ARHGAP39: variants seen among roughly 807,000 people sequenced by gnomAD.
The protein encoded by ARHGAP39 is Rho GTPase activating protein 39.
Under a neutral mutation model 106.9 loss-of-function variants are expected in ARHGAP39, and 44 were observed. That is an observed-to-expected ratio of 0.41 (90% CI 0.32 to 0.53). The LOEUF (loss-of-function observed/expected upper bound fraction) is 0.53. Ranked by LOEUF, ARHGAP39 falls within the 20% of genes least tolerant of loss-of-function variation. ARHGAP39 has a pLI of 0.21. For synonymous variants in ARHGAP39, 768 were observed against 693.2 expected, an observed-to-expected ratio of 1.11 and a Z score of -1.69; for missense variants, 1,496 against 1,577.3, an observed-to-expected ratio of 0.95 and a Z score of 0.87.
At chr8:144,681,345 G>A (rs540314127) in intron 1 of ARHGAP39, among the ~76,000 whole-genome samples, 10 of 152,280 alleles carry the variant, frequency 6.6e-5, no homozygotes, top group African/African-American at 2.4e-4. Context: ...GTCCAGCTCT[G>A]CGAGGGAGTC....
chr8:144,568,061 C>G (rs1818465518), intron 3 of ARHGAP39, among the ~76,000 whole-genome samples: 1 of 152,126 alleles, frequency 6.6e-6, no homozygotes. Context: ...CTGGACCCTA[C>G]AGGCTGATGC....
At chr8:144,570,568 C>T (rs1205202567) in intron 3 of ARHGAP39, among the ~76,000 whole-genome samples, 2 of 152,238 alleles carry the variant, frequency 1.3e-5, no homozygotes, top group African/African-American at 2.4e-5. Context: ...TCCAAACTTA[C>T]GAGTGACCAA....
the ARHGAP39 span, among the ~76,000 whole-genome samples, chr8:144,696,119 T>A: frequency 6.6e-6 from 1 of 152,158 alleles, no homozygotes; most frequent in Non-Finnish European, 1.5e-5. Flanking sequence ...CTCTGCCGCA[T>A]GTCTTCATAC....
Position 144,552,117 on chromosome 8 carries a change from AG to A in ARHGAP39, c.596+3442del, listed in dbSNP as rs35051427. ...GTTCAGGGGACACTTCCAAACTGCAAGGGAAGTTGGAAAGCCTTAAGAGCGG... is the reference window on the plus strand; with the variant it reads ...GTTCAGGGGACACTTCCAAACTGCAAGGAAGTTGGAAAGCCTTAAGAGCGG... On this transcript the variant is annotated intron_variant, in intron 4 of 11. Coordinates refer to ENST00000377307, the MANE Select transcript of ARHGAP39 (RefSeq NM_025251.3). Among the ~76,000 whole-genome samples, 770 of 152,382 alleles carry A rather than the reference AG, an allele frequency of 5.1e-3. 5 individuals carry two copies. The highest frequency in any genetic ancestry group is 0.017 in the African/African-American group (707 of 41,592).
chr8:144,667,131 AAAAG>A (rs1380524233), intron 1 of ARHGAP39, among the ~76,000 whole-genome samples: 9 of 152,240 alleles, frequency 5.9e-5, no homozygotes, highest in South Asian at 4.1e-4. Flanking sequence ...CCCAAAGTGA[AAAAG>A]AAAGAGACAA....
At chr8:144,569,904 G>A (rs893422624) in intron 3 of ARHGAP39, among the ~76,000 whole-genome samples, 1 of 152,192 alleles carries the variant, frequency 6.6e-6, no homozygotes, top group Non-Finnish European at 1.5e-5. Context: ...GGGAAAATGA[G>A]GACAGAGAGA....
chr8:144,621,866 A>G (rs1820815647), intron 1 of ARHGAP39, among the ~76,000 whole-genome samples: 1 of 152,224 alleles, frequency 6.6e-6, no homozygotes, highest in Non-Finnish European at 1.5e-5. Flanking sequence ...CTCCTAAGGG[A>G]TAAAACTACA....
At chr8:144,619,920 G>A (rs1563711772) in intron 1 of ARHGAP39, among the ~76,000 whole-genome samples, 2 of 146,336 alleles carry the variant, frequency 1.4e-5, no homozygotes. Flanking sequence ...GTGTGCCCGT[G>A]TGCGTGTGAG....
chr8:144,652,511 C>T (rs1490572468), intron 1 of ARHGAP39, among the ~76,000 whole-genome samples: 2 of 152,188 alleles, frequency 1.3e-5, no homozygotes, highest in African/African-American at 4.8e-5. Context: ...AATCAATCTA[C>T]ACGTCCATCA....
intron 7 of ARHGAP39, among the ~76,000 whole-genome samples, 165 bp downstream of exon 7, chr8:144,537,552 CCAGT>C (rs1247020668): frequency 3.3e-5 from 5 of 152,148 alleles, no homozygotes; most frequent in African/African-American, 9.7e-5. Flanking sequence ...CTCCAGGGGT[CCAGT>C]CAGTCACCTG....
In ARHGAP39 at chr8:144,530,417, C is replaced by T. The variant is rs1433113131; in HGVS notation, c.*5G>A. On this transcript the variant is annotated 3_prime_UTR_variant, in exon 12 of 12. Transcript: ENST00000377307. ...GGACATCCCTCCTGTCCCCGGGCGCCCCCGCTACAGCACACCCTCCATGAA... is the reference window on the plus strand; with the variant it reads ...GGACATCCCTCCTGTCCCCGGGCGCTCCCGCTACAGCACACCCTCCATGAA... 3.1e-6 allele frequency: 5 copies of T among 1,590,562 alleles called. No individual in the cohort carries two copies. The highest frequency in any genetic ancestry group is 3.4e-6 in the Non-Finnish European group (4 of 1,165,818).
chr8:144,617,981 T>C lies in ARHGAP39; in HGVS notation c.-81-12286A>G, dbSNP rs554457837. On this transcript the variant is annotated intron_variant, in intron 1 of 11. Coordinates refer to ENST00000377307, the MANE Select transcript of ARHGAP39 (RefSeq NM_025251.3). ...ATTTTTTCTAGAGATGGGGTCTCTC[T>C]ATGCTGCCCAGGCTGGCCTTGAACT... 2.6e-5 allele frequency among the ~76,000 whole-genome samples: 4 copies of C among 152,042 alleles called. No homozygotes were observed. The East Asian group carries it at 7.7e-4, about 29-fold the overall frequency.
chr8:144,666,667 T>A (rs1268293270), intron 1 of ARHGAP39, among the ~76,000 whole-genome samples: 1 of 152,242 alleles, frequency 6.6e-6, no homozygotes, highest in Non-Finnish European at 1.5e-5. Flanking sequence ...CACCTCCCGC[T>A]ATGATTCTGA....
intron 1 of ARHGAP39, among the ~76,000 whole-genome samples, chr8:144,673,184 C>G (rs931390147): frequency 1.3e-5 from 2 of 150,418 alleles, no homozygotes; most frequent in African/African-American, 5.0e-5. Context: ...GCCACTGCCC[C>G]CTAGCCTGGG....
In ARHGAP39 at chr8:144,670,138, G is replaced by A. The variant is rs534536143; in HGVS notation, c.-82+15548C>T. Among the ~76,000 whole-genome samples, 1 of 152,346 alleles carries A rather than the reference G, an allele frequency of 6.6e-6. No homozygotes were observed. Among genetic ancestry groups the A allele is most frequent in the African/African-American group, 2.4e-5 (1 of 41,588 alleles). ...AAAAAGCAACAGAGCTCGGATGCAT[G>A]CTAGAGCGTACCGGGAAGCAGGATC... On this transcript the variant is annotated intron_variant, in intron 1 of 11. Transcript: ENST00000377307. This position sits in a 1 kb window ranked among gnomAD's most constrained non-coding sequence, Gnocchi z 4.4.
intron 6 of ARHGAP39, among the ~76,000 whole-genome samples, chr8:144,539,522 G>A (rs1397137040): frequency 6.6e-6 from 1 of 152,214 alleles, no homozygotes; most frequent in Non-Finnish European, 1.5e-5. Flanking sequence ...TGTTCCAGAA[G>A]TTTTATAGTT....
chr8:144,545,703 G>A lies in ARHGAP39; in HGVS notation c.2067C>T (p.Ser689=), dbSNP rs751186521. The part of the protein sequence containing the change: ...VFPTFTLRKP[S]SETDIENWAS... The stretch of plus-strand genomic sequence containing the variant: ...CCCAGTTCTCGATGTCCGTCTCCGA[G>A]GAGGGCTTGCGCAGCGTGAAAGTGG... Residue 689 remains serine (S), a synonymous_variant, in exon 6 of 12, where the codon TCC becomes TCT. Transcript: ENST00000377307. 26 of 1,613,034 alleles carry A rather than the reference G, an allele frequency of 1.6e-5. No homozygotes were observed. The highest frequency in any genetic ancestry group is 2.2e-5 in the East Asian group (1 of 44,908).
intron 5 of ARHGAP39, among the ~76,000 whole-genome samples, chr8:144,546,198 G>C (rs770952623): frequency 2.6e-5 from 4 of 152,186 alleles, no homozygotes; most frequent in Non-Finnish European, 5.9e-5. Context: ...GTTCACACCA[G>C]GTAAAAGTGC....
chr8:144,596,152 A>T (rs999145541), intron 2 of ARHGAP39, among the ~76,000 whole-genome samples: 11 of 152,170 alleles, frequency 7.2e-5, no homozygotes, highest in Admixed American at 3.3e-4. Context: ...AGCAGAGGGG[A>T]CGGCTGAGGC....
Sources: allele counts gnomAD v4.1 joint callset (sites outside exome capture counted in the v4.1 genomes callset), GRCh38; gene constraint gnomAD v4.1.1; non-coding constraint Gnocchi (gnomAD v3.1); transcripts MANE v1.5; gene names NCBI Gene and HGNC (gene_info 2026-07-23, HGNC 2026-07-21).